HECW2: variants seen among roughly 807,000 people sequenced by gnomAD.
HECW2 encodes HECT, C2 and WW domain containing E3 ubiquitin protein ligase 2.
A neutral mutation model predicts 175.2 loss-of-function variants in HECW2; 61 were observed. That is an observed-to-expected ratio of 0.35 (90% confidence interval 0.28 to 0.43). The LOEUF is 0.43. Ranked by LOEUF, HECW2 falls within the 20% of genes least tolerant of loss-of-function variation. HECW2 has a pLI of 1.00. For missense variants in HECW2, 1,524 were observed against 2,000.5 expected, an observed-to-expected ratio of 0.76 and a Z score of 4.54; for synonymous variants, 671 against 731.0, an observed-to-expected ratio of 0.92 and a Z score of 1.32.
chr2:196,433,866 C>T (rs1464993758), intron 1 of HECW2, among the ~76,000 whole-genome samples: 1 of 152,196 alleles, frequency 6.6e-6, no homozygotes, highest in Non-Finnish European at 1.5e-5. Flanking sequence ...GAGACACATG[C>T]TAAATACAGT....
At chr2:196,488,810 A>G (rs1229028701) in intron 1 of HECW2, among the ~76,000 whole-genome samples, 1 of 152,182 alleles carries the variant, frequency 6.6e-6, no homozygotes, top group Non-Finnish European at 1.5e-5. Context: ...TAAGGTCAAA[A>G]TAGGATCTAG....
chr2:196,357,716 C>T (rs1361446959), intron 2 of HECW2, among the ~76,000 whole-genome samples: 2 of 152,160 alleles, frequency 1.3e-5, no homozygotes, highest in South Asian at 2.1e-4. Context: ...TGGTTCTCTC[C>T]ATGCTGTTCT....
chr2:196,325,751 G>T (rs943987647), intron 5 of HECW2, among the ~76,000 whole-genome samples: 4 of 152,172 alleles, frequency 2.6e-5, no homozygotes, highest in African/African-American at 9.7e-5. Flanking sequence ...AATGTTAGGG[G>T]AAATGTTTTC....
At chr2:196,320,468 C>T in intron 7 of HECW2, 29 bp from the exon 8 acceptor site, 1 of 1,451,074 alleles carries the variant, frequency 6.9e-7, no homozygotes, top group Non-Finnish European at 9.6e-7. Context: ...TTCTTTCATC[C>T]TGACTACGCT....
intron 15 of HECW2, among the ~76,000 whole-genome samples, chr2:196,275,722 T>C (rs902859644): frequency 7.3e-5 from 11 of 151,370 alleles, no homozygotes; most frequent in Non-Finnish European, 1.6e-4. Flanking sequence ...ACTGCACTCC[T>C]GCCTGGCGAC....
At chr2:196,562,540 A>G (rs1690039280) in intron 1 of HECW2, among the ~76,000 whole-genome samples, 2 of 152,220 alleles carry the variant, frequency 1.3e-5, no homozygotes, top group African/African-American at 4.8e-5. Flanking sequence ...ATATTGTCCA[A>G]TTAAAATGTG....
At chr2:196,474,938 C>T (rs1467785130) in intron 1 of HECW2, among the ~76,000 whole-genome samples, 1 of 152,180 alleles carries the variant, frequency 6.6e-6, no homozygotes, top group Non-Finnish European at 1.5e-5. Flanking sequence ...TGTATCATCA[C>T]ACGCCCGCAC....
intron 1 of HECW2, among the ~76,000 whole-genome samples, chr2:196,575,968 C>T (rs1690547235): frequency 6.6e-6 from 1 of 152,180 alleles, no homozygotes; most frequent in Non-Finnish European, 1.5e-5. Context: ...ACCCAAACCT[C>T]CCACTAGGCC....
chr2:196,349,700 AGTTAT>A (rs1489820599), intron 2 of HECW2, among the ~76,000 whole-genome samples: 1 of 152,212 alleles, frequency 6.6e-6, no homozygotes, highest in Non-Finnish European at 1.5e-5. Flanking sequence ...TACTGGAATT[AGTTAT>A]GTTAATTCTG....
At chr2:196,456,425 A>C (rs1696516657) in intron 1 of HECW2, among the ~76,000 whole-genome samples, 1 of 147,620 alleles carries the variant, frequency 6.8e-6, no homozygotes. Flanking sequence ...TTGCCACACT[A>C]CTGGCTTCAC....
chr2:196,273,573 A>G (rs943077143), intron 16 of HECW2, among the ~76,000 whole-genome samples: 7 of 152,088 alleles, frequency 4.6e-5, no homozygotes, highest in African/African-American at 1.7e-4. Flanking sequence ...GCTGCCTTCT[A>G]TTTGTGACAA....
chr2:196,471,546 CA>C (rs1273799622), intron 1 of HECW2, among the ~76,000 whole-genome samples: 7 of 152,120 alleles, frequency 4.6e-5, no homozygotes, highest in African/African-American at 1.7e-4. Context: ...CCCACAAAAG[CA>C]AAGACATAGA....
At chr2:196,486,211 G>A (rs748807047) in intron 1 of HECW2, among the ~76,000 whole-genome samples, 60 of 152,190 alleles carry the variant, frequency 3.9e-4, no homozygotes, top group South Asian at 1.0e-3. Flanking sequence ...AATTCTAAAC[G>A]TGAGAAAATG....
chr2:196,329,781 T>C (rs1340277741), intron 4 of HECW2, 131 bp from the exon 5 acceptor site: 4 of 623,400 alleles, frequency 6.4e-6, no homozygotes, highest in Non-Finnish European at 1.1e-5. Context: ...TGTCCTTTCA[T>C]TTCCCAATCT....
intron 13 of HECW2, among the ~76,000 whole-genome samples, chr2:196,304,298 T>C (rs1051226657): frequency 6.6e-6 from 1 of 152,082 alleles, no homozygotes; most frequent in African/African-American, 2.4e-5. Context: ...TGTGGCTCCC[T>C]TGGAAAGGCC....
chr2:196,220,118 T>G lies in HECW2; in HGVS notation c.4329A>C (p.Ala1443=). 6.2e-7 allele frequency: 1 copy of G among 1,613,626 alleles called. No homozygotes were observed. The highest frequency in any genetic ancestry group is 1.1e-5 in the South Asian group (1 of 91,080). ...CTGCGATGACCAATTCCAGTTCTCTTGCATCAAAAACAGATACCAGCCTGG... is the reference window on the plus strand; with the variant it reads ...CTGCGATGACCAATTCCAGTTCTCTGGCATCAAAAACAGATACCAGCCTGG... ...VDARLVSVFD[A]RELELVIAGT... The change falls in exon 26 of 29, where the codon GCA becomes GCC. Residue 1443 remains alanine (A), a synonymous_variant. Coordinates refer to ENST00000644978, the MANE Select transcript of HECW2 (RefSeq NM_001348768.2).
intron 1 of HECW2, among the ~76,000 whole-genome samples, chr2:196,571,800 G>A (rs772201752): frequency 6.6e-6 from 1 of 152,074 alleles, no homozygotes; most frequent in Non-Finnish European, 1.5e-5. Flanking sequence ...CAAAAGAATT[G>A]AAAGCAAGGT....
At chr2:196,252,097 G>T (rs1688875776) in intron 19 of HECW2, among the ~76,000 whole-genome samples, 1 of 151,598 alleles carries the variant, frequency 6.6e-6, no homozygotes, top group Non-Finnish European at 1.5e-5. Context: ...TACTGGGGAG[G>T]CTGAGGCAGG....
chr2:196,461,104 A>G (rs1433356922), intron 1 of HECW2, among the ~76,000 whole-genome samples: 2 of 152,184 alleles, frequency 1.3e-5, no homozygotes, highest in Non-Finnish European at 2.9e-5. Flanking sequence ...CTTCAGTTGA[A>G]GATGGGTAAT....
Sources: allele counts gnomAD v4.1 joint callset (sites outside exome capture counted in the v4.1 genomes callset), GRCh38; gene constraint gnomAD v4.1.1; transcripts MANE v1.5; gene names NCBI Gene and HGNC (gene_info 2026-07-23, HGNC 2026-07-21).